SHB: variants seen among roughly 807,000 people sequenced by gnomAD.
SHB encodes the protein SH2 domain-containing adapter protein B.
A neutral mutation model predicts 52.3 loss-of-function variants in SHB; 20 were observed. That is an observed-to-expected ratio of 0.38 (90% CI 0.27 to 0.56). The LOEUF is 0.56. Ranked by LOEUF, SHB falls within the 20% of genes least tolerant of loss-of-function variation. The pLI is 0.71. For missense variants in SHB, 825 were observed against 723.3 expected (o/e 1.14, Z -1.61); for synonymous variants, 397 against 316.5 (o/e 1.25, Z -2.70).
intron 5 of SHB, among the ~76,000 whole-genome samples, chr9:37,920,280 CA>C (rs1490057873): frequency 5.3e-5 from 1 of 18,828 alleles, no homozygotes; most frequent in Non-Finnish European, 1.3e-4. Context: ...TTCAGAAAAA[CA>C]AAACAAAACA....
At chr9:38,042,085 C>CTGAT (rs754728622) in intron 1 of SHB, among the ~76,000 whole-genome samples, 1 of 152,204 alleles carries the variant, frequency 6.6e-6, no homozygotes, top group Non-Finnish European at 1.5e-5. Context: ...GCCCAGAAGG[C>CTGAT]ATCAAGGTTT....
At chr9:37,962,035 A>G (rs1832697264) in intron 3 of SHB, among the ~76,000 whole-genome samples, 1 of 152,140 alleles carries the variant, frequency 6.6e-6, no homozygotes, top group African/African-American at 2.4e-5. Flanking sequence ...CTGGGTTTGA[A>G]TCCTGTCTCT....
At chr9:37,995,461 T>TCTGGCAGAGGTG (rs77102998) in intron 2 of SHB, among the ~76,000 whole-genome samples, 1 of 151,794 alleles carries the variant, frequency 6.6e-6, no homozygotes, top group Non-Finnish European at 1.5e-5. Context: ...TTTTCCCAGC[T>TCTGGCAGAGGTG]CTGGCCACTG....
At chr9:37,930,972 G>C (rs1212988540) in intron 5 of SHB, among the ~76,000 whole-genome samples, 1 of 152,118 alleles carries the variant, frequency 6.6e-6, no homozygotes, top group Non-Finnish European at 1.5e-5. Context: ...ACACATATGG[G>C]TCAACTAATT....
intron 3 of SHB, among the ~76,000 whole-genome samples, chr9:37,957,869 AG>A (rs1250065037): frequency 6.6e-6 from 1 of 152,234 alleles, no homozygotes; most frequent in Non-Finnish European, 1.5e-5. Context: ...GAACATCTGT[AG>A]GAAGGACACT....
At chr9:38,056,040 T>A (rs887308856) in intron 1 of SHB, among the ~76,000 whole-genome samples, 6 of 152,214 alleles carry the variant, frequency 3.9e-5, no homozygotes, top group Admixed American at 3.9e-4. Context: ...CGCATGGGTA[T>A]CTGCAGAAGA....
intron 4 of SHB, among the ~76,000 whole-genome samples, chr9:37,950,979 G>A (rs941028619): frequency 6.6e-6 from 1 of 152,182 alleles, no homozygotes; most frequent in Non-Finnish European, 1.5e-5. Flanking sequence ...TGCAAACCGT[G>A]CCTCTGAGAG....
At chr9:38,001,457 C>A (rs1821011935) in intron 2 of SHB, among the ~76,000 whole-genome samples, 2 of 152,272 alleles carry the variant, frequency 1.3e-5, no homozygotes, top group African/African-American at 4.8e-5. Flanking sequence ...TGCCTTTCCT[C>A]ACCCTGAATG....
chr9:38,016,204 T>G, intron 1 of SHB, 73 bp from the exon 2 acceptor site: 1 of 1,545,942 alleles, frequency 6.5e-7, no homozygotes, highest in Non-Finnish European at 8.8e-7. Context: ...CAGCTAGGCT[T>G]TGGGCCTCAG....
At chr9:38,046,397 T>C (rs1821652139) in intron 1 of SHB, among the ~76,000 whole-genome samples, 1 of 152,198 alleles carries the variant, frequency 6.6e-6, no homozygotes. Context: ...ACCTCTGTGT[T>C]AGACACATAA....
intron 2 of SHB, among the ~76,000 whole-genome samples, chr9:38,006,002 C>T (rs540938493): frequency 2.1e-4 from 32 of 152,252 alleles, no homozygotes; most frequent in Non-Finnish European, 3.8e-4. Flanking sequence ...GCTGGCTGCT[C>T]CCACCTCAAA....
chr9:38,010,352 T>A (rs1236631233), intron 2 of SHB, among the ~76,000 whole-genome samples: 2 of 152,214 alleles, frequency 1.3e-5, no homozygotes, highest in Non-Finnish European at 2.9e-5. Flanking sequence ...TTCCTAGGGC[T>A]GAAGGCCAGT....
chr9:37,922,024 G>A (rs1832186970), intron 5 of SHB, among the ~76,000 whole-genome samples: 1 of 152,222 alleles, frequency 6.6e-6, no homozygotes, highest in African/African-American at 2.4e-5. Context: ...CAGGGAGGAG[G>A]GTATGACCCT....
intron 1 of SHB, among the ~76,000 whole-genome samples, chr9:38,036,853 GA>G (rs1821495738): frequency 6.6e-6 from 1 of 152,138 alleles, no homozygotes; most frequent in South Asian, 2.1e-4. Context: ...TTTTACAGAT[GA>G]AAAAAACCAA....
intron 2 of SHB, among the ~76,000 whole-genome samples, chr9:37,999,024 T>C (rs1205766422): frequency 1.3e-5 from 2 of 152,144 alleles, no homozygotes; most frequent in Admixed American, 6.5e-5. Flanking sequence ...CCCTGCGGGA[T>C]CACAGAGCCC....
chr9:38,034,624 G>A (rs1821459441), intron 1 of SHB, among the ~76,000 whole-genome samples: 1 of 152,172 alleles, frequency 6.6e-6, no homozygotes, highest in Non-Finnish European at 1.5e-5. Flanking sequence ...CTGTGCCAGG[G>A]GTTGACCACT....
At chr9:38,003,062 C>T (rs1564099243) in intron 2 of SHB, among the ~76,000 whole-genome samples, 1 of 152,134 alleles carries the variant, frequency 6.6e-6, no homozygotes. Context: ...AGGACCAAGC[C>T]CTTCCTCCTA....
At chr9:37,928,913 C>T (rs1007593451) in intron 5 of SHB, among the ~76,000 whole-genome samples, 1 of 152,244 alleles carries the variant, frequency 6.6e-6, no homozygotes, top group Non-Finnish European at 1.5e-5. Flanking sequence ...AGAGCAGGAC[C>T]ATGCAGAGGC....
At position 38,051,192 on chromosome 9, in the gene SHB, CA is replaced by C. The variant is rs147823365; in HGVS notation, c.717+16736del. On this transcript the variant is annotated intron_variant, in intron 1 of 5. Coordinates refer to ENST00000377707, the MANE Select transcript of SHB (RefSeq NM_003028.3). ...GCAGGGTGGCTCATGCCTGTAATCC[CA>C]GCACTTTGGAAGGCGAGGCGGGCAG... is the stretch of plus-strand genomic sequence containing the variant. Among the ~76,000 whole-genome samples the C allele has an allele frequency of 4.7e-3, 715 of 152,242 alleles. 7 individuals carry two copies. The highest frequency in any genetic ancestry group is 0.017 in the African/African-American group (689 of 41,544).
Sources: gnomAD v4.1 joint callset for allele counts (sites outside exome capture counted in the v4.1 genomes callset) on GRCh38, gnomAD v4.1.1 for gene constraint, MANE v1.5 for transcripts, NCBI Gene and HGNC (gene_info 2026-07-23, HGNC 2026-07-21) for gene names.